Variants in TXNDC12 observed in about 807,000 individuals in gnomAD.
The protein encoded by TXNDC12 is thioredoxin domain-containing protein 12.
A neutral mutation model predicts 24.2 loss-of-function variants in TXNDC12; 22 were observed. That is an observed-to-expected ratio of 0.91 (90% confidence interval 0.65 to 1.30). The LOEUF is 1.30. Among genes scored for constraint, TXNDC12 ranks in the 50% most tolerant of loss-of-function variants. TXNDC12 has a pLI of 0.00. For missense variants in TXNDC12, 184 were observed against 205.8 expected (o/e 0.89, Z 0.65); for synonymous variants, 58 against 73.4 (o/e 0.79, Z 1.07).
chr1:52,028,325 G>A (rs1158322223), intron 3 of TXNDC12, among the ~76,000 whole-genome samples: 1 of 152,096 alleles, frequency 6.6e-6, no homozygotes, highest in Non-Finnish European at 1.5e-5. Context: ...CCTCTAACAT[G>A]TATTGTTCAT....
chr1:52,053,149 G>A (rs1686252022), intron 1 of TXNDC12, among the ~76,000 whole-genome samples: 1 of 151,546 alleles, frequency 6.6e-6, no homozygotes, highest in South Asian at 2.1e-4. Context: ...TGTAGTCCCA[G>A]CTACTTGGGA....
intron 2 of TXNDC12, chr1:52,033,854 T>G: frequency 2.8e-6 from 4 of 1,451,418 alleles, no homozygotes; most frequent in African/African-American, 2.9e-5. Flanking sequence ...CTGCTCTTCC[T>G]GTCTCCCTTG....
chr1:52,027,772 TTA>T (rs751797355), intron 3 of TXNDC12, among the ~76,000 whole-genome samples: 36 of 148,476 alleles, frequency 2.4e-4, no homozygotes, highest in Non-Finnish European at 3.7e-4. Context: ...TACGTATATA[TTA>T]TATGTTATAT....
chr1:52,046,325 A>G (rs981289525), intron 1 of TXNDC12, among the ~76,000 whole-genome samples: 5 of 152,200 alleles, frequency 3.3e-5, no homozygotes, highest in African/African-American at 9.6e-5. Context: ...AAGAGATGAT[A>G]GTGGACTGGA....
intron 1 of TXNDC12, among the ~76,000 whole-genome samples, chr1:52,045,333 T>C (rs1041567772): frequency 6.6e-6 from 1 of 152,230 alleles, no homozygotes; most frequent in Admixed American, 6.5e-5. Context: ...GGATACATAC[T>C]GTTAATGGCC....
intron 6 of TXNDC12, among the ~76,000 whole-genome samples, chr1:52,022,264 T>C (rs764585084): frequency 4.7e-4 from 72 of 152,136 alleles, no homozygotes; most frequent in Non-Finnish European, 8.5e-4. Flanking sequence ...CTCCCTTTCA[T>C]AGATGAGGGG....
chr1:52,043,813 C>T (rs1432992868), intron 1 of TXNDC12: 1 of 152,244 alleles, frequency 6.6e-6, no homozygotes, highest in Non-Finnish European at 1.5e-5. Context: ...TTACTACACT[C>T]ATCTTTCAGA....
rs1229275355 is a variant in TXNDC12 at position 52,046,866 on chromosome 1, A to AAAATATAT, written c.98-5270_98-5269insATATATTT. Among the ~76,000 whole-genome samples the AAAATATAT allele has an allele frequency of 4.0e-4, 12 of 30,168 alleles. No individual in the cohort carries two copies. In the East Asian group the frequency reaches 4.4e-3, roughly 11 times the overall value. 19.8% of individuals were successfully genotyped at this position (30,168 alleles called of 152,430 possible). A position where few individuals can be genotyped will look rare whatever the true frequency, so the allele number is the denominator to read the frequency against. Reference sequence around the variant, plus strand: ...CCCCATCTCTACTAAAAAAAAAAAAAATATATATATATATATATATATATA... The same window carrying AAAATATAT: ...CCCCATCTCTACTAAAAAAAAAAAAAAAATATATATATATATATATATATATATATATA... On this transcript the variant is annotated intron_variant, in intron 1 of 6. Coordinates refer to ENST00000371626, the MANE Select transcript of TXNDC12 (RefSeq NM_015913.4).
chr1:52,038,120 G>A (rs773274213), intron 2 of TXNDC12, among the ~76,000 whole-genome samples: 32 of 151,908 alleles, frequency 2.1e-4, no homozygotes, highest in Middle Eastern at 3.2e-3. Flanking sequence ...TAGAGACAGA[G>A]TTTCCCATGT....
chr1:52,033,432 G>A (rs756915195), intron 2 of TXNDC12: 57 of 1,612,422 alleles, frequency 3.5e-5, no homozygotes, highest in Non-Finnish European at 4.4e-5. Context: ...TCGGGCCGCC[G>A]GGCCGTACGC....
chr1:52,046,866 A>AATATATAT lies in TXNDC12; in HGVS notation c.98-5277_98-5270dup, dbSNP rs869028968. Among the ~76,000 whole-genome samples, 242 of 30,098 alleles carry AATATATAT rather than the reference A, an allele frequency of 8.0e-3. 4 individuals are homozygous for AATATATAT. In the East Asian group the frequency reaches 0.11, roughly 13 times the overall value. 19.7% of individuals were successfully genotyped at this position (30,098 alleles called of 152,430 possible). ...CCCCATCTCTACTAAAAAAAAAAAA[A>AATATATAT]ATATATATATATATATATATATATA... On this transcript the variant is annotated intron_variant, in intron 1 of 6. Coordinates refer to ENST00000371626, the MANE Select transcript of TXNDC12 (RefSeq NM_015913.4).
intron 2 of TXNDC12, chr1:52,033,674 G>A (rs766051813): frequency 1.2e-6 from 2 of 1,611,034 alleles, no homozygotes; most frequent in Non-Finnish European, 1.7e-6. Flanking sequence ...TACACCGCGC[G>A]GCCCTCGGCA....
chr1:52,021,102 AAT>A, intron 6 of TXNDC12, 90 bp from the exon 7 acceptor site: 1 of 981,564 alleles, frequency 1.0e-6, no homozygotes, highest in Non-Finnish European at 1.6e-6. Context: ...TTTCAGAAGA[AAT>A]ATGAGAGGAG....
chr1:52,033,581 C>G (rs78835924), intron 2 of TXNDC12: 1 of 1,613,624 alleles, frequency 6.2e-7, no homozygotes, highest in African/African-American at 1.3e-5. Flanking sequence ...GCTCGCAGAG[C>G]TCCACGCAAT....
intron 1 of TXNDC12, among the ~76,000 whole-genome samples, chr1:52,054,283 CT>C (rs1210488881): frequency 6.6e-6 from 1 of 151,580 alleles, no homozygotes; most frequent in Non-Finnish European, 1.5e-5. Flanking sequence ...AGCATAAACT[CT>C]GAGTTCACAG....
At chr1:52,037,740 C>T (rs1457410445) in intron 2 of TXNDC12, among the ~76,000 whole-genome samples, 5 of 152,196 alleles carry the variant, frequency 3.3e-5, no homozygotes, top group South Asian at 2.1e-4. Context: ...CTTTGCTCTT[C>T]GAGGCTGGAG....
At position 52,028,306 on chromosome 1, in the gene TXNDC12, T is replaced by C. The variant is rs963459543; in HGVS notation, c.211+272A>G. On this transcript the variant is annotated intron_variant, in intron 3 of 6. Coordinates refer to ENST00000371626, the MANE Select transcript of TXNDC12 (RefSeq NM_015913.4). ...TCCTTCTCATGTCTCTGTCCGTACA[T>C]TTCAGCTTCCTCTAACATGTATTGT... Among the ~76,000 whole-genome samples, 5 of 152,160 alleles carry C rather than the reference T, an allele frequency of 3.3e-5. 1 individual carries two copies. Among genetic ancestry groups the C allele is most frequent in the African/African-American group, 1.2e-4 (5 of 41,436 alleles).
In TXNDC12 at chr1:52,023,258, T is replaced by C; in HGVS notation, c.439+233A>G. 9.9e-6 allele frequency: 4 copies of C among 404,504 alleles called. No individual in the cohort carries two copies. The South Asian group carries it at 1.1e-4, about 11-fold the overall frequency. The allele number at this position is 404,504 out of a possible 1,614,324, so 25.1% of individuals were successfully genotyped here. On this transcript the variant is annotated intron_variant, in intron 6 of 6. Coordinates refer to ENST00000371626, the MANE Select transcript of TXNDC12 (RefSeq NM_015913.4). ...AACTATGGGCAAGTGACTACCTCAG[T>C]CACTTGTGTGCCTCAGTTCTTCACA...
At chr1:52,051,076 C>T (rs1022921735) in intron 1 of TXNDC12, 2 of 169,176 alleles carry the variant, frequency 1.2e-5, no homozygotes, top group Admixed American at 6.5e-5. Context: ...ATGATAAAAA[C>T]ATTGTCCATC....
Sources: gnomAD v4.1 joint callset for allele counts (sites outside exome capture counted in the v4.1 genomes callset) on GRCh38, gnomAD v4.1.1 for gene constraint, MANE v1.5 for transcripts, NCBI Gene and HGNC (gene_info 2026-07-23, HGNC 2026-07-21) for gene names.